Variants in TMEM178B observed in about 807,000 individuals in gnomAD.
TMEM178B encodes transmembrane protein 178B.
In TMEM178B, 5 loss-of-function variants were observed where a neutral mutation model predicts 31.0. The observed-to-expected ratio is 0.16, with a 90% CI of 0.08 to 0.34. The LOEUF is 0.34. Among genes scored for constraint, TMEM178B ranks in the 10% least tolerant of loss-of-function variants. The pLI, the probability that TMEM178B is intolerant of heterozygous loss-of-function variation, is 1.00. For missense variants in TMEM178B, 275 were observed against 400.3 expected, an observed-to-expected ratio of 0.69 and a Z score of 2.67; for synonymous variants, 164 against 164.0, an observed-to-expected ratio of 1.00 and a Z score of 0.00.
chr7:141,128,402 A>G (rs1435417193), intron 1 of TMEM178B, among the ~76,000 whole-genome samples: 1 of 152,120 alleles, frequency 6.6e-6, no homozygotes, highest in Non-Finnish European at 1.5e-5. Context: ...TGGTCTTCAG[A>G]CTTATTTGGC....
intron 2 of TMEM178B, among the ~76,000 whole-genome samples, chr7:141,295,683 C>G (rs1798619468): frequency 6.6e-6 from 1 of 152,168 alleles, no homozygotes; most frequent in Non-Finnish European, 1.5e-5. Context: ...GGGCCAATTC[C>G]TCTGCTCATT....
chr7:141,302,367 G>A lies in TMEM178B; in HGVS notation c.496+89663G>A, dbSNP rs1426385178. On this transcript the variant is annotated intron_variant, in intron 2 of 3. Transcript: ENST00000565468. The stretch of plus-strand genomic sequence containing the variant: ...ACAAATATTGTATGATTCCAATTAT[G>A]TGAGTAGTCCACTTATATGAGTATG... 3.9e-5 allele frequency among the ~76,000 whole-genome samples: 6 copies of A among 152,216 alleles called. No individual in the cohort carries two copies. In the South Asian group the frequency reaches 6.2e-4, roughly 16 times the overall value.
intron 2 of TMEM178B, among the ~76,000 whole-genome samples, chr7:141,315,295 T>C (rs1418909355): frequency 6.6e-6 from 1 of 152,196 alleles, no homozygotes; most frequent in African/African-American, 2.4e-5. Context: ...GCAAACTCTT[T>C]ACCATTGTCA....
chr7:141,433,616 T>C (rs1035037056), intron 2 of TMEM178B, among the ~76,000 whole-genome samples: 2 of 152,238 alleles, frequency 1.3e-5, no homozygotes, highest in South Asian at 4.1e-4. Context: ...AAATCTTTAA[T>C]TGCATTATTT....
At chr7:141,149,673 G>A (rs1795927515) in intron 1 of TMEM178B, among the ~76,000 whole-genome samples, 1 of 152,190 alleles carries the variant, frequency 6.6e-6, no homozygotes, top group South Asian at 2.1e-4. Context: ...CAGATACAGA[G>A]ACCCCTGGGG....
intron 2 of TMEM178B, among the ~76,000 whole-genome samples, chr7:141,409,816 C>T (rs1235704632): frequency 5.3e-5 from 8 of 151,762 alleles, no homozygotes; most frequent in South Asian, 2.1e-4. Flanking sequence ...AGCAGATGAT[C>T]GTCCCTGCTG....
At chr7:141,223,210 C>T (rs1220951174) in intron 2 of TMEM178B, among the ~76,000 whole-genome samples, 2 of 152,040 alleles carry the variant, frequency 1.3e-5, no homozygotes, top group East Asian at 3.9e-4. Context: ...AAAGGAGGGC[C>T]CAACAATAGG....
intron 2 of TMEM178B, among the ~76,000 whole-genome samples, chr7:141,355,590 C>T (rs1799805617): frequency 6.6e-6 from 1 of 152,220 alleles, no homozygotes; most frequent in Non-Finnish European, 1.5e-5. Flanking sequence ...GATGGGCATT[C>T]AACACAGATG....
chr7:141,351,474 G>A (rs968414597), intron 2 of TMEM178B, among the ~76,000 whole-genome samples: 1 of 152,232 alleles, frequency 6.6e-6, no homozygotes, highest in Non-Finnish European at 1.5e-5. Flanking sequence ...GTGAGGCACA[G>A]GTGTGCAAGG....
In TMEM178B at chr7:141,432,317, G is replaced by A. The variant is rs544927712; in HGVS notation, c.497-5291G>A. On this transcript the variant is annotated intron_variant, in intron 2 of 3. Coordinates refer to ENST00000565468, the MANE Select transcript of TMEM178B (RefSeq NM_001195278.2). Reference sequence around the variant, plus strand: ...ATTACCGGGGCATGCCACCATGCCCGGCTAATTTTGTATTTTTAATAGAGA... The same window carrying A: ...ATTACCGGGGCATGCCACCATGCCCAGCTAATTTTGTATTTTTAATAGAGA... Among the ~76,000 whole-genome samples, 37 of 151,974 alleles carry A rather than the reference G, an allele frequency of 2.4e-4. 1 individual carries two copies. The South Asian group carries it at 5.6e-3, about 23-fold the overall frequency.
At chr7:141,124,126 G>T (rs1420417261) in intron 1 of TMEM178B, among the ~76,000 whole-genome samples, 1 of 152,140 alleles carries the variant, frequency 6.6e-6, no homozygotes, top group Non-Finnish European at 1.5e-5. Context: ...CAGTACTTTG[G>T]GAGGCCGAGG....
At chr7:141,164,615 G>A (rs776448323) in intron 1 of TMEM178B, among the ~76,000 whole-genome samples, 7 of 152,328 alleles carry the variant, frequency 4.6e-5, no homozygotes, top group Admixed American at 1.3e-4. Flanking sequence ...TTATATCAGT[G>A]ATAGAAATTG....
intron 3 of TMEM178B, among the ~76,000 whole-genome samples, chr7:141,464,889 A>G (rs1176451742): frequency 1.3e-5 from 2 of 152,162 alleles, no homozygotes; most frequent in African/African-American, 2.4e-5. Context: ...TGGAGCACGC[A>G]GCAGAACCCA....
intron 2 of TMEM178B, among the ~76,000 whole-genome samples, chr7:141,401,544 T>A (rs906194402): frequency 4.6e-5 from 7 of 152,178 alleles, no homozygotes; most frequent in Non-Finnish European, 8.8e-5. Context: ...GCCTCCCAAG[T>A]AGCTGGGACT....
At position 141,446,278 on chromosome 7, in the gene TMEM178B, G is replaced by A. The variant is rs75603824; in HGVS notation, c.634+8533G>A. Among the ~76,000 whole-genome samples, 112 of 152,306 alleles carry A rather than the reference G, an allele frequency of 7.4e-4. No homozygotes were observed. In the East Asian group the frequency reaches 0.021, roughly 28 times the overall value. On this transcript the variant is annotated intron_variant, in intron 3 of 3. Transcript: ENST00000565468. ...TTCTACAGATGTGGGGTTCAGAAGA[G>A]AACAGGGAGCAGCCTTATCCAGATG... is the stretch of plus-strand genomic sequence containing the variant.
At chr7:141,494,447 C>G in the TMEM178B span, among the ~76,000 whole-genome samples, 1 of 152,192 alleles carries the variant, frequency 6.6e-6, no homozygotes, top group African/African-American at 2.4e-5. Flanking sequence ...GCAATGAAGT[C>G]AGAGGAGTTA....
chr7:141,248,701 G>A (rs1465164076), intron 2 of TMEM178B, among the ~76,000 whole-genome samples: 1 of 152,164 alleles, frequency 6.6e-6, no homozygotes, highest in Non-Finnish European at 1.5e-5. Flanking sequence ...CTTCTGTATA[G>A]AACACTTACC....
intron 2 of TMEM178B, among the ~76,000 whole-genome samples, chr7:141,433,345 AG>A (rs201746025): frequency 0.014 from 2,066 of 152,246 alleles, 41 homozygotes; most frequent in African/African-American, 0.042. Context: ...CCAGTTCATG[AG>A]CCTTTTGGGG....
At chr7:141,447,534 C>T (rs1216156347) in intron 3 of TMEM178B, among the ~76,000 whole-genome samples, 6 of 151,984 alleles carry the variant, frequency 3.9e-5, no homozygotes, top group African/African-American at 1.2e-4. Flanking sequence ...GACTGAGGGG[C>T]GTCCATCCGC....
Sources: gnomAD v4.1 joint callset for allele counts (sites outside exome capture counted in the v4.1 genomes callset) on GRCh38, gnomAD v4.1.1 for gene constraint, MANE v1.5 for transcripts, NCBI Gene and HGNC (gene_info 2026-07-23, HGNC 2026-07-21) for gene names.